Variants in TPO observed in about 807,000 individuals in gnomAD.
TPO encodes the protein thyroid peroxidase, also known as thyroid microsomal antigen.
A neutral mutation model predicts 96.9 loss-of-function variants in TPO; 78 were observed. That is an observed-to-expected ratio of 0.81 (90% CI 0.67 to 0.97). TPO has a LOEUF of 0.97. Among genes scored for constraint, TPO ranks in the 50% least tolerant of loss-of-function variants. The probability of loss-of-function intolerance (pLI) is 0.00; values close to 1 mark genes in which losing one functional copy is unlikely to be tolerated. For synonymous variants in TPO, 547 were observed against 538.0 expected (o/e 1.02, Z -0.23); for missense variants, 1,252 against 1,274.8 (o/e 0.98, Z 0.27).
intron 1 of TPO, among the ~76,000 whole-genome samples, chr2:1,388,200 A>G (rs374779359): frequency 1.3e-5 from 2 of 152,190 alleles, no homozygotes; most frequent in Non-Finnish European, 2.9e-5. Flanking sequence ...TCAGATCACA[A>G]ACTCCATGCT....
At chr2:1,383,760 C>A (rs1447850629) in intron 1 of TPO, among the ~76,000 whole-genome samples, 1 of 152,136 alleles carries the variant, frequency 6.6e-6, no homozygotes, top group Admixed American at 6.6e-5. Context: ...GCTTTTGTTG[C>A]CATTGTTTTT....
At chr2:1,427,656 A>T (rs1220518869) in intron 3 of TPO, among the ~76,000 whole-genome samples, 1 of 152,216 alleles carries the variant, frequency 6.6e-6, no homozygotes, top group African/African-American at 2.4e-5. Flanking sequence ...GCATGGACAG[A>T]AGAAGCGTCT....
intron 1 of TPO, among the ~76,000 whole-genome samples, chr2:1,389,838 G>A (rs999710048): frequency 6.6e-5 from 10 of 152,158 alleles, no homozygotes; most frequent in Middle Eastern, 3.4e-3. Flanking sequence ...TCACATTGTA[G>A]TATTTTAGAA....
intron 15 of TPO, among the ~76,000 whole-genome samples, chr2:1,527,938 CCCCCACTGCGTGCAACCTCCTCAAATA>C (rs1210058120): frequency 2.6e-4 from 36 of 139,374 alleles, no homozygotes; most frequent in African/African-American, 8.7e-4. Flanking sequence ...TCCTCAAATC[CCCCCACTGCGTGCAACCTCCTCAAATA>C]CCCCACTGCG....
At chr2:1,465,427 T>G (rs577222864) in intron 7 of TPO, among the ~76,000 whole-genome samples, 1 of 152,194 alleles carries the variant, frequency 6.6e-6, no homozygotes, top group East Asian at 1.9e-4. Context: ...GTTTTCTAAT[T>G]TGATGAAGAA....
chr2:1,396,863 C>T (rs1029651647), intron 1 of TPO, among the ~76,000 whole-genome samples: 3 of 152,120 alleles, frequency 2.0e-5, no homozygotes, highest in Non-Finnish European at 2.9e-5. Flanking sequence ...AAAATAAAGC[C>T]GCAGAAGTTT....
chr2:1,385,081 C>G (rs1006824957), intron 1 of TPO, among the ~76,000 whole-genome samples: 1 of 152,066 alleles, frequency 6.6e-6, no homozygotes, highest in African/African-American at 2.4e-5. Flanking sequence ...CATGGATAAG[C>G]TTTTTGATGT....
chr2:1,474,185 A>G (rs183429700), intron 7 of TPO, among the ~76,000 whole-genome samples: 278 of 152,332 alleles, frequency 1.8e-3, no homozygotes, highest in Admixed American at 2.4e-3. Flanking sequence ...TTTCTATTTA[A>G]CCAGGAATGG....
upstream of TPO, among the ~76,000 whole-genome samples, chr2:1,411,374 C>G (rs546206478): frequency 3.3e-5 from 5 of 152,308 alleles, no homozygotes; most frequent in East Asian, 3.9e-4. Flanking sequence ...CGGCCTCCCC[C>G]AGCTGTGCAT....
At chr2:1,516,691 C>G (rs1012953241) in intron 14 of TPO, among the ~76,000 whole-genome samples, 192 bp from the exon 15 acceptor site, 4 of 152,218 alleles carry the variant, frequency 2.6e-5, no homozygotes, top group Admixed American at 6.5e-5. Context: ...TCCCCACACA[C>G]GTCACATTCG....
intron 1 of TPO, among the ~76,000 whole-genome samples, chr2:1,381,050 G>A (rs552429894): frequency 6.6e-6 from 1 of 152,154 alleles, no homozygotes; most frequent in Non-Finnish European, 1.5e-5. Context: ...AGGTATACAC[G>A]TGCCATGGTG....
At chr2:1,377,210 C>T (rs1661735380) in intron 1 of TPO, among the ~76,000 whole-genome samples, 1 of 152,212 alleles carries the variant, frequency 6.6e-6, no homozygotes, top group Non-Finnish European at 1.5e-5. Context: ...ACCAGTCTTC[C>T]TGCTGCCTTT....
chr2:1,375,097 T>A (rs1486053292), intron 1 of TPO, among the ~76,000 whole-genome samples: 4 of 135,560 alleles, frequency 3.0e-5, no homozygotes, highest in Non-Finnish European at 4.7e-5. Flanking sequence ...GAGTTTTTAA[T>A]TTTTTTTTAA....
chr2:1,535,422 G>GAA (rs1679394402), intron 15 of TPO, among the ~76,000 whole-genome samples: 1 of 74,338 alleles, frequency 1.3e-5, no homozygotes, highest in Non-Finnish European at 2.6e-5. Flanking sequence ...CCCCTACTGT[G>GAA]TGCAACCTCC....
intron 7 of TPO, among the ~76,000 whole-genome samples, chr2:1,473,842 G>T (rs906943266): frequency 6.6e-6 from 1 of 152,114 alleles, no homozygotes; most frequent in East Asian, 1.9e-4. Context: ...AGAAGGAAAA[G>T]AACAGTTTTA....
At chr2:1,499,596 A>C (rs576102241) in intron 13 of TPO, among the ~76,000 whole-genome samples, 1 of 139,238 alleles carries the variant, frequency 7.2e-6, no homozygotes, top group African/African-American at 2.6e-5. Context: ...ACAATCCCTG[A>C]GTCAGGGCTG....
intron 1 of TPO, among the ~76,000 whole-genome samples, chr2:1,382,298 A>G (rs961820893): frequency 2.0e-5 from 3 of 152,094 alleles, no homozygotes; most frequent in African/African-American, 7.2e-5. Context: ...GCAGCTCCAC[A>G]CAGTTGCTCT....
rs566409063 is a variant in TPO, at chr2:1,496,350, C to T, written c.2215+153C>T. Among the ~76,000 whole-genome samples, 123 of 136,056 alleles carry T rather than the reference C, an allele frequency of 9.0e-4. 5 individuals carry two copies. The South Asian group carries it at 0.028, about 31-fold the overall frequency. 89.3% of individuals were successfully genotyped at this position (136,056 alleles called of 152,430 possible). A position where few individuals can be genotyped will look rare whatever the true frequency, so the allele number is the denominator to read the frequency against. The stretch of plus-strand genomic sequence containing the variant: ...CCTCAGGGCAGCTCCTGGGGCGGGG[C>T]GGGGCGGGGCGGGGCCCTTCTCTAG... On this transcript the variant is annotated intron_variant, in intron 12 of 16. Coordinates refer to ENST00000329066, the MANE Select transcript of TPO (RefSeq NM_001206744.2).
chr2:1,375,686 T>G (rs1011219176), intron 1 of TPO, among the ~76,000 whole-genome samples: 5 of 152,136 alleles, frequency 3.3e-5, no homozygotes, highest in African/African-American at 1.2e-4. Flanking sequence ...CCCTGTGGCA[T>G]CGTGAGTTTG....
Sources: allele counts gnomAD v4.1 joint callset (sites outside exome capture counted in the v4.1 genomes callset), GRCh38; gene constraint gnomAD v4.1.1; transcripts MANE v1.5; gene names NCBI Gene and HGNC (gene_info 2026-07-23, HGNC 2026-07-21).